The following PTPRD variants were observed in gnomAD, a reference collection of about 807,000 sequenced individuals.
The protein encoded by PTPRD is protein tyrosine phosphatase receptor type D.
In PTPRD, 34 loss-of-function variants were observed where a neutral mutation model predicts 214.5. That is an observed-to-expected ratio of 0.16 (90% CI 0.12 to 0.21). The LOEUF (loss-of-function observed/expected upper bound fraction) is 0.21, where lower values mean the gene tolerates loss of function less well. Among genes scored for constraint, PTPRD ranks in the 10% least tolerant of loss-of-function variants. The pLI, the probability that PTPRD is intolerant of heterozygous loss-of-function variation, is 1.00. For missense variants in PTPRD, 2,545 were observed against 2,398.7 expected (o/e 1.06, Z -1.27); for synonymous variants, 1,128 against 845.7 (o/e 1.33, Z -5.79).
chr9:10,268,293 A>AAAT (rs56131711), intron 3 of PTPRD, among the ~76,000 whole-genome samples: 18,505 of 144,696 alleles, frequency 0.13, 1,202 homozygotes, highest in East Asian at 0.21. Flanking sequence ...CTGTTGCTAT[A>AAAT]AATAATAATA....
chr9:9,229,293 C>A (rs550295913), intron 9 of PTPRD, among the ~76,000 whole-genome samples: 1 of 151,916 alleles, frequency 6.6e-6, no homozygotes, highest in Non-Finnish European at 1.5e-5. Flanking sequence ...GGATTGCAAA[C>A]AAGAGTCTTT....
chr9:10,356,075 G>C (rs939793513), intron 2 of PTPRD, among the ~76,000 whole-genome samples: 10 of 151,586 alleles, frequency 6.6e-5, no homozygotes, highest in Non-Finnish European at 8.8e-5. Flanking sequence ...TTGGTTGTCA[G>C]GGTTTTGAGG....
intron 3 of PTPRD, among the ~76,000 whole-genome samples, chr9:10,101,646 G>A (rs2098552893): frequency 6.6e-6 from 1 of 151,608 alleles, no homozygotes; most frequent in African/African-American, 2.4e-5. Context: ...GCTTTGCACA[G>A]GTCCTATTAC....
intron 8 of PTPRD, among the ~76,000 whole-genome samples, chr9:9,474,536 C>A (rs117681090): frequency 6.6e-6 from 1 of 151,902 alleles, no homozygotes; most frequent in Admixed American, 6.6e-5. Flanking sequence ...TTGGTCGTTA[C>A]GGTAATTTTA....
intron 8 of PTPRD, among the ~76,000 whole-genome samples, chr9:9,427,477 G>A (rs2081390545): frequency 6.6e-6 from 1 of 152,138 alleles, no homozygotes; most frequent in South Asian, 2.1e-4. Flanking sequence ...GAACCAAGTT[G>A]GAAAACACTC....
chr9:10,002,656 A>G (rs1052478064), intron 4 of PTPRD, among the ~76,000 whole-genome samples: 2 of 151,336 alleles, frequency 1.3e-5, no homozygotes, highest in Non-Finnish European at 3.0e-5. Context: ...GTAAACACAT[A>G]TGTACCTAAT....
At chr9:9,652,136 C>T (rs2096376460) in intron 7 of PTPRD, among the ~76,000 whole-genome samples, 1 of 152,134 alleles carries the variant, frequency 6.6e-6, no homozygotes, top group African/African-American at 2.4e-5. Flanking sequence ...GCCACCATGC[C>T]TGGCCTATTC....
At chr9:8,709,024 C>A (rs2098269722) in intron 12 of PTPRD, among the ~76,000 whole-genome samples, 1 of 151,858 alleles carries the variant, frequency 6.6e-6, no homozygotes. Context: ...CATGATCTCA[C>A]TCATATATGG....
At chr9:8,691,388 T>C (rs1470979458) in intron 12 of PTPRD, among the ~76,000 whole-genome samples, 1 of 136,612 alleles carries the variant, frequency 7.3e-6, no homozygotes, top group Admixed American at 7.5e-5. Context: ...AGGCTGTTCT[T>C]CTCTAGAGAA....
intron 7 of PTPRD, among the ~76,000 whole-genome samples, chr9:9,693,380 C>T (rs1448648381): frequency 1.3e-5 from 2 of 152,090 alleles, no homozygotes; most frequent in African/African-American, 4.8e-5. Context: ...CCTGTACTCT[C>T]ACAGACACTC....
chr9:8,933,529 G>C (rs2098969031), intron 11 of PTPRD, among the ~76,000 whole-genome samples: 1 of 151,856 alleles, frequency 6.6e-6, no homozygotes, highest in Admixed American at 6.6e-5. Flanking sequence ...GACAAAGAAT[G>C]ACTTGAATCA....
chr9:9,798,250 A>G (rs140104603), intron 5 of PTPRD, among the ~76,000 whole-genome samples: 4 of 152,174 alleles, frequency 2.6e-5, no homozygotes, highest in African/African-American at 9.7e-5. Context: ...ATATGTAATA[A>G]AAGAGGTCAA....
At chr9:8,796,298 A>G in intron 11 of PTPRD, among the ~76,000 whole-genome samples, 1 of 152,216 alleles carries the variant, frequency 6.6e-6, no homozygotes, top group East Asian at 1.9e-4. Context: ...GGGGATAAAT[A>G]TTTAAATATA....
intron 2 of PTPRD, among the ~76,000 whole-genome samples, chr9:10,454,006 A>C (rs2098880508): frequency 6.6e-6 from 1 of 151,664 alleles, no homozygotes; most frequent in Admixed American, 6.6e-5. Context: ...TTTGTGATTT[A>C]ACTATGTATT....
At chr9:8,607,905 A>C (rs2095295537) in intron 14 of PTPRD, among the ~76,000 whole-genome samples, 2 of 152,206 alleles carry the variant, frequency 1.3e-5, no homozygotes, top group Non-Finnish European at 2.9e-5. Flanking sequence ...ACTTTATAGG[A>C]AACAAATATT....
chr9:8,872,151 G>A (rs2098312264), intron 11 of PTPRD, among the ~76,000 whole-genome samples: 1 of 152,204 alleles, frequency 6.6e-6, no homozygotes, highest in Admixed American at 6.5e-5. Flanking sequence ...TCTCAGCGTA[G>A]CCAAAATAAT....
chr9:8,764,752 C>G (rs983125547), intron 11 of PTPRD, among the ~76,000 whole-genome samples: 1 of 151,166 alleles, frequency 6.6e-6, no homozygotes, highest in Non-Finnish European at 1.5e-5. Flanking sequence ...CCGAGATTGC[C>G]CCATTGCACT....
At chr9:8,885,567 G>A (rs952350640) in intron 11 of PTPRD, among the ~76,000 whole-genome samples, 2 of 146,190 alleles carry the variant, frequency 1.4e-5, no homozygotes, top group African/African-American at 5.1e-5. Context: ...TGGGATCTCG[G>A]CTCACTGAAA....
At chr9:9,892,617 T>C (rs1198758186) in intron 5 of PTPRD, among the ~76,000 whole-genome samples, 1 of 152,066 alleles carries the variant, frequency 6.6e-6, no homozygotes, top group Non-Finnish European at 1.5e-5. Context: ...GCCAAACTGT[T>C]GGGAAATGAT....
Sources: allele counts gnomAD v4.1 joint callset (sites outside exome capture counted in the v4.1 genomes callset), GRCh38; gene constraint gnomAD v4.1.1; transcripts MANE v1.5; gene names NCBI Gene and HGNC (gene_info 2026-07-23, HGNC 2026-07-21).